Variants in SH3BGRL2 observed in about 807,000 individuals in gnomAD.
The protein encoded by SH3BGRL2 is SH3 domain binding glutamate rich protein like 2, also known as SH3 domain-binding glutamic acid-rich-like protein 2.
SH3BGRL2 carries 21 observed loss-of-function variants against 14.8 expected under a neutral mutation model. The ratio of observed to expected loss-of-function variants is 1.42; its 90% CI spans 1.01 to 2.05. SH3BGRL2 has a LOEUF of 2.05. Among genes scored for constraint, SH3BGRL2 ranks in the 30% most tolerant of loss-of-function variants. SH3BGRL2 has a pLI of 0.00. For synonymous variants in SH3BGRL2, 50 were observed against 47.8 expected, an observed-to-expected ratio of 1.05 and a Z score of -0.19; for missense variants, 147 against 130.8, an observed-to-expected ratio of 1.12 and a Z score of -0.61.
the SH3BGRL2 span, among the ~76,000 whole-genome samples, chr6:79,618,975 T>C: frequency 6.7e-6 from 1 of 150,092 alleles, no homozygotes; most frequent in Non-Finnish European, 1.5e-5. Flanking sequence ...AAGTCACCCG[T>C]GTGTAATGCA....
At chr6:79,680,676 A>G (rs1441898000) in intron 2 of SH3BGRL2, among the ~76,000 whole-genome samples, 1 of 152,072 alleles carries the variant, frequency 6.6e-6, no homozygotes, top group Non-Finnish European at 1.5e-5. Flanking sequence ...TATTATTGAC[A>G]TCTATAATAT....
chr6:79,680,186 G>C (rs566062060), intron 2 of SH3BGRL2, among the ~76,000 whole-genome samples: 7 of 152,080 alleles, frequency 4.6e-5, no homozygotes, highest in Non-Finnish European at 8.8e-5. Flanking sequence ...CTTTTCCCCT[G>C]TGTTTTCTTC....
chr6:79,621,433 G>A, the SH3BGRL2 span, among the ~76,000 whole-genome samples: 1 of 152,198 alleles, frequency 6.6e-6, no homozygotes, highest in Non-Finnish European at 1.5e-5. Context: ...GCAAGAAGGT[G>A]CCATCTATGA....
chr6:79,615,906 T>G, the SH3BGRL2 span, among the ~76,000 whole-genome samples: 26,004 of 144,088 alleles, frequency 0.18, 2,390 homozygotes, highest in South Asian at 0.23. Context: ...AATCTCCGCC[T>G]CCCAGGTTCA....
chr6:79,597,334 G>C, the SH3BGRL2 span, among the ~76,000 whole-genome samples: 1 of 146,032 alleles, frequency 6.8e-6, no homozygotes, highest in Non-Finnish European at 1.5e-5. Context: ...GAAAAGAAAA[G>C]AAAAAAGAAA....
chr6:79,620,543 T>C, the SH3BGRL2 span, among the ~76,000 whole-genome samples: 3 of 151,940 alleles, frequency 2.0e-5, no homozygotes, highest in African/African-American at 7.3e-5. Context: ...TGGAGAGTCC[T>C]GTGTGAGGGT....
chr6:79,610,134 T>C, the SH3BGRL2 span, among the ~76,000 whole-genome samples: 1 of 152,224 alleles, frequency 6.6e-6, no homozygotes, highest in Non-Finnish European at 1.5e-5. Context: ...GGCACACTAT[T>C]ACTATCCTAT....
At chr6:79,589,846 G>A in the SH3BGRL2 span, among the ~76,000 whole-genome samples, 9 of 152,100 alleles carry the variant, frequency 5.9e-5, no homozygotes, top group East Asian at 9.6e-4. Flanking sequence ...ATCTCAGCTC[G>A]CTGCAGCCTC....
At chr6:79,589,227 G>A in the SH3BGRL2 span, among the ~76,000 whole-genome samples, 1 of 146,612 alleles carries the variant, frequency 6.8e-6, no homozygotes, top group Non-Finnish European at 1.5e-5. Context: ...TTGATTCATG[G>A]TTGGTTGAAC....
intron 1 of SH3BGRL2, among the ~76,000 whole-genome samples, chr6:79,638,535 A>G (rs1022678406): frequency 2.6e-5 from 4 of 152,306 alleles, no homozygotes; most frequent in Admixed American, 1.3e-4. Flanking sequence ...ACTGTTCACT[A>G]TAATGGCTGT....
In SH3BGRL2 at chr6:79,702,941, G is replaced by C. The variant is rs1770495089; in HGVS notation, c.*3432G>C. The stretch of plus-strand genomic sequence containing the variant: ...GAAAGCAGAAGAAAACAGTATTTCT[G>C]AAGGCATTGTTTGAGGTTGATCTCA... On this transcript the variant is annotated 3_prime_UTR_variant, in exon 4 of 4. Transcript: ENST00000369838. 6.6e-6 allele frequency: 1 copy of C among 152,220 alleles called. No individual in the cohort carries two copies. The highest frequency in any genetic ancestry group is 2.4e-5 in the African/African-American group (1 of 41,444). The allele number at this position is 152,220 out of a possible 1,614,324, so 9.4% of individuals were successfully genotyped here. A position where few individuals can be genotyped will look rare whatever the true frequency, so the allele number is the denominator to read the frequency against.
At chr6:79,690,284 A>G (rs953256226) in intron 2 of SH3BGRL2, among the ~76,000 whole-genome samples, 4 of 152,166 alleles carry the variant, frequency 2.6e-5, no homozygotes, top group Non-Finnish European at 4.4e-5. Flanking sequence ...GAACCACCCC[A>G]AATGACCACA....
the SH3BGRL2 span, among the ~76,000 whole-genome samples, chr6:79,583,122 T>C: frequency 6.6e-6 from 1 of 152,082 alleles, no homozygotes; most frequent in African/African-American, 2.4e-5. Flanking sequence ...CATTAAAAAG[T>C]CAGGAAACAA....
At chr6:79,669,079 G>A (rs1259098478) in intron 1 of SH3BGRL2, among the ~76,000 whole-genome samples, 1 of 152,098 alleles carries the variant, frequency 6.6e-6, no homozygotes, top group African/African-American at 2.4e-5. Flanking sequence ...GGAAATCTTT[G>A]ATGTTTAGGA....
At chr6:79,683,918 T>A (rs994522308) in intron 2 of SH3BGRL2, among the ~76,000 whole-genome samples, 1 of 152,184 alleles carries the variant, frequency 6.6e-6, no homozygotes, top group Non-Finnish European at 1.5e-5. Context: ...CCTGGTAGAA[T>A]GGAGTAGAAC....
chr6:79,644,081 C>A (rs1769082222), intron 1 of SH3BGRL2, among the ~76,000 whole-genome samples: 1 of 152,172 alleles, frequency 6.6e-6, no homozygotes, highest in Non-Finnish European at 1.5e-5. Context: ...TTTTGGGCAA[C>A]AGATCCATGG....
At chr6:79,554,072 A>G in the SH3BGRL2 span, among the ~76,000 whole-genome samples, 1 of 152,100 alleles carries the variant, frequency 6.6e-6, no homozygotes, top group Non-Finnish European at 1.5e-5. Flanking sequence ...TTCATAAGCT[A>G]TCATCTGTGT....
At chr6:79,568,775 G>GT in the SH3BGRL2 span, among the ~76,000 whole-genome samples, 2 of 152,010 alleles carry the variant, frequency 1.3e-5, no homozygotes, top group Non-Finnish European at 2.9e-5. Flanking sequence ...TTTTATTGTG[G>GT]TAAGAGTTTT....
At chr6:79,641,109 C>T (rs541930724) in intron 1 of SH3BGRL2, among the ~76,000 whole-genome samples, 1 of 151,436 alleles carries the variant, frequency 6.6e-6, no homozygotes, top group African/African-American at 2.4e-5. Context: ...TCATTCATGA[C>T]ATTCCCATGT....
Sources: gnomAD v4.1 joint callset for allele counts (sites outside exome capture counted in the v4.1 genomes callset) on GRCh38, gnomAD v4.1.1 for gene constraint, MANE v1.5 for transcripts, NCBI Gene and HGNC (gene_info 2026-07-23, HGNC 2026-07-21) for gene names.